Variants in NTM observed in about 807,000 individuals in gnomAD.
The protein encoded by NTM is IgLON family member 2.
A neutral mutation model predicts 42.1 loss-of-function variants in NTM; 13 were observed. The observed-to-expected ratio is 0.31, with a 90% CI of 0.20 to 0.49. The LOEUF (loss-of-function observed/expected upper bound fraction) is 0.49. Ranked by LOEUF, NTM falls within the 20% of genes least tolerant of loss-of-function variation. The pLI is 0.99. For missense variants in NTM, 373 were observed against 452.8 expected (o/e 0.82, Z 1.60); for synonymous variants, 187 against 179.2 (o/e 1.04, Z -0.35).
At chr11:132,086,601 A>G (rs1447777099) in intron 2 of NTM, among the ~76,000 whole-genome samples, 7 of 152,222 alleles carry the variant, frequency 4.6e-5, no homozygotes, top group Non-Finnish European at 1.0e-4. Context: ...GGTGAAACCA[A>G]CAAGCCTCAA....
chr11:131,640,244 C>T (rs750203518), intron 1 of NTM, among the ~76,000 whole-genome samples: 14 of 152,162 alleles, frequency 9.2e-5, no homozygotes, highest in African/African-American at 1.9e-4. Flanking sequence ...AACAGTACTT[C>T]CTGATGCTGG....
intron 1 of NTM, among the ~76,000 whole-genome samples, chr11:131,386,861 C>A (rs112162838): frequency 6.6e-6 from 1 of 152,124 alleles, no homozygotes; most frequent in African/African-American, 2.4e-5. Context: ...TTCTTTATCC[C>A]TTTTTTTGAT....
intron 2 of NTM, among the ~76,000 whole-genome samples, chr11:131,977,327 A>G (rs913967392): frequency 6.6e-6 from 1 of 152,246 alleles, no homozygotes; most frequent in African/African-American, 2.4e-5. Flanking sequence ...AAATTTCCCA[A>G]GAGCGTCTGC....
intron 2 of NTM, among the ~76,000 whole-genome samples, chr11:132,054,385 G>C (rs1218089766): frequency 6.6e-6 from 1 of 152,252 alleles, no homozygotes; most frequent in African/African-American, 2.4e-5. Flanking sequence ...CGAAGCTGTA[G>C]ATTTAGCTAT....
At chr11:131,752,886 A>G (rs1198132941) in intron 1 of NTM, among the ~76,000 whole-genome samples, 1 of 152,206 alleles carries the variant, frequency 6.6e-6, no homozygotes, top group Non-Finnish European at 1.5e-5. Flanking sequence ...CAAAATTGAC[A>G]AATGGGATCT....
At chr11:131,487,772 G>A (rs1954341276) in intron 1 of NTM, among the ~76,000 whole-genome samples, 1 of 152,174 alleles carries the variant, frequency 6.6e-6, no homozygotes, top group Admixed American at 6.5e-5. Flanking sequence ...TGGAGCTGAG[G>A]GGAAGGCTGG....
In NTM at chr11:131,849,264, G is replaced by A. The variant is rs543743756; in HGVS notation, c.83-62300G>A. Among the ~76,000 whole-genome samples, 294 of 152,260 alleles carry A rather than the reference G, an allele frequency of 1.9e-3. 1 individual carries two copies. Among genetic ancestry groups the A allele is most frequent in the African/African-American group, 6.9e-3 (286 of 41,554 alleles). On this transcript the variant is annotated intron_variant, in intron 1 of 8. Transcript: ENST00000683400. ...AACTATATTAGGCCATTTTTGCATT[G>A]CTGTAAAGAAATACCTGAGACTGGG...
chr11:132,203,491 C>T (rs1030516041), intron 3 of NTM, among the ~76,000 whole-genome samples: 1 of 152,168 alleles, frequency 6.6e-6, no homozygotes, highest in East Asian at 1.9e-4. Context: ...ACCTCGGCTT[C>T]TGATATGAAG....
At position 131,925,411 on chromosome 11, in the gene NTM, G is replaced by T. The variant is rs563835663; in HGVS notation, c.167+13763G>T. On this transcript the variant is annotated intron_variant, in intron 2 of 8. Transcript: ENST00000683400. ...TTTTTTTTTTTTTTTTTTTAACAGG[G>T]TCTCGCTCTGTCACCCAGGCTGGAG... 2.2e-4 allele frequency among the ~76,000 whole-genome samples: 30 copies of T among 138,414 alleles called. 1 individual carries two copies. Among genetic ancestry groups the T allele is most frequent in the Admixed American group, 3.0e-4 (4 of 13,278 alleles). The allele number at this position is 138,414 out of a possible 152,430, so 90.8% of individuals were successfully genotyped here. A position where few individuals can be genotyped will look rare whatever the true frequency, so the allele number is the denominator to read the frequency against.
chr11:131,999,976 T>C lies in NTM; in HGVS notation c.167+88328T>C, dbSNP rs527511625. Among the ~76,000 whole-genome samples, 8 of 152,260 alleles carry C rather than the reference T, an allele frequency of 5.3e-5. No individual in the cohort carries two copies. In the South Asian group the frequency reaches 1.7e-3, roughly 32 times the overall value. On this transcript the variant is annotated intron_variant, in intron 2 of 8. Transcript: ENST00000683400. Reference sequence around the variant, plus strand: ...CGTACTAGTGATTTCTAACATGACTTTTTTTCTTTTCTTTTTCTTTTTTCC... The same window carrying C: ...CGTACTAGTGATTTCTAACATGACTCTTTTTCTTTTCTTTTTCTTTTTTCC...
chr11:131,918,703 T>G (rs1007459112), intron 2 of NTM, among the ~76,000 whole-genome samples: 4 of 152,100 alleles, frequency 2.6e-5, no homozygotes, highest in Non-Finnish European at 5.9e-5. Flanking sequence ...AGAGACCCAG[T>G]GAGTTTGGTT....
intron 1 of NTM, among the ~76,000 whole-genome samples, chr11:131,404,968 TCTATGGA>T (rs1480263460): frequency 6.6e-6 from 1 of 152,144 alleles, no homozygotes; most frequent in Non-Finnish European, 1.5e-5. Flanking sequence ...TGCATATCTG[TCTATGGA>T]AGAATGACCA....
chr11:131,940,553 T>C (rs2059686982), intron 2 of NTM, among the ~76,000 whole-genome samples: 1 of 152,196 alleles, frequency 6.6e-6, no homozygotes, highest in Admixed American at 6.5e-5. Flanking sequence ...CTTATAGACA[T>C]ATAGACATAG....
intron 1 of NTM, among the ~76,000 whole-genome samples, chr11:131,894,173 C>T (rs965767464): frequency 1.3e-5 from 2 of 152,158 alleles, no homozygotes; most frequent in Non-Finnish European, 2.9e-5. Context: ...GCACTGGGGG[C>T]AATTGTGCGG....
At chr11:132,120,722 TC>T (rs2064660503) in intron 2 of NTM, among the ~76,000 whole-genome samples, 1 of 151,948 alleles carries the variant, frequency 6.6e-6, no homozygotes, top group Non-Finnish European at 1.5e-5. Context: ...TCCACAGGAG[TC>T]CCCAGAGAGA....
intron 1 of NTM, among the ~76,000 whole-genome samples, chr11:131,500,574 T>TAC (rs2046653442): frequency 1.4e-4 from 2 of 14,562 alleles, no homozygotes; most frequent in Non-Finnish European, 2.1e-4. Flanking sequence ...TATATATATA[T>TAC]ATATTTTTTT....
At chr11:132,070,145 T>C (rs1424590403) in intron 2 of NTM, among the ~76,000 whole-genome samples, 1 of 129,286 alleles carries the variant, frequency 7.7e-6, no homozygotes, top group African/African-American at 3.1e-5. Flanking sequence ...ACAGCCAAGT[T>C]AACACGTCAA....
intron 1 of NTM, among the ~76,000 whole-genome samples, chr11:131,910,417 TGGTG>T (rs2054558793): frequency 6.8e-6 from 1 of 147,772 alleles, no homozygotes; most frequent in African/African-American, 2.4e-5. Context: ...TGGGCTGGGC[TGGTG>T]CACAGCCTGG....
intron 3 of NTM, among the ~76,000 whole-genome samples, chr11:132,202,189 A>G (rs916710708): frequency 1.3e-5 from 2 of 152,034 alleles, no homozygotes. Flanking sequence ...ATTCTCCATG[A>G]TGGTTTTGGG....
Sources: allele counts gnomAD v4.1 joint callset (sites outside exome capture counted in the v4.1 genomes callset), GRCh38; gene constraint gnomAD v4.1.1; transcripts MANE v1.5; gene names NCBI Gene and HGNC (gene_info 2026-07-23, HGNC 2026-07-21).